Variants in SSBP2 observed in about 807,000 individuals in gnomAD.
SSBP2 encodes the protein single stranded DNA binding protein 2.
Under a neutral mutation model 61.8 loss-of-function variants are expected in SSBP2, and 17 were observed. That is an observed-to-expected ratio of 0.28 (90% CI 0.19 to 0.41). The LOEUF (loss-of-function observed/expected upper bound fraction) is 0.41. Among genes scored for constraint, SSBP2 ranks in the 10% least tolerant of loss-of-function variants. The pLI is 1.00. For synonymous variants in SSBP2, 139 were observed against 141.3 expected, an observed-to-expected ratio of 0.98 and a Z score of 0.12; for missense variants, 310 against 458.7, an observed-to-expected ratio of 0.68 and a Z score of 2.96.
chr5:81,656,849 T>C (rs1369273402), intron 1 of SSBP2, among the ~76,000 whole-genome samples: 2 of 152,148 alleles, frequency 1.3e-5, no homozygotes, highest in African/African-American at 4.8e-5. Flanking sequence ...TGTGAACGTG[T>C]AAATGGTGCA....
At chr5:81,676,477 T>A (rs1407246781) in intron 1 of SSBP2, among the ~76,000 whole-genome samples, 1 of 152,140 alleles carries the variant, frequency 6.6e-6, no homozygotes, top group African/African-American at 2.4e-5. Flanking sequence ...ACAATCTCAT[T>A]CCGTATCTCA....
chr5:81,688,352 G>A lies in SSBP2; in HGVS notation c.63-38013C>T, dbSNP rs559933872. Among the ~76,000 whole-genome samples, 8 of 152,266 alleles carry A rather than the reference G, an allele frequency of 5.3e-5. No individual in the cohort carries two copies. The South Asian group carries it at 6.2e-4, about 12-fold the overall frequency. On this transcript the variant is annotated intron_variant, in intron 1 of 16. Coordinates refer to ENST00000320672, the MANE Select transcript of SSBP2 (RefSeq NM_012446.5). ...CGCCCAGGACCAGGGGAAACTTGCC[G>A]CCCTGAAACAAAGAACATTAGCTTG...
chr5:81,692,169 AG>A (rs1753255854), intron 1 of SSBP2, among the ~76,000 whole-genome samples: 2 of 152,218 alleles, frequency 1.3e-5, no homozygotes, highest in Admixed American at 1.3e-4. Flanking sequence ...AGCTGCAGGA[AG>A]CAAAACCAAC....
At chr5:81,662,464 T>C (rs1009139371) in intron 1 of SSBP2, among the ~76,000 whole-genome samples, 1 of 151,724 alleles carries the variant, frequency 6.6e-6, no homozygotes, top group Non-Finnish European at 1.5e-5. Flanking sequence ...CAAAACTCCG[T>C]CTCAAAAACA....
intron 15 of SSBP2, 105 bp from the exon 16 acceptor site, chr5:81,428,788 C>T: frequency 1.4e-6 from 1 of 720,516 alleles, no homozygotes; most frequent in Non-Finnish European, 2.3e-6. Context: ...ACAAAGCATA[C>T]TTCTAATTTT....
At chr5:81,664,064 T>C (rs189834126) in intron 1 of SSBP2, among the ~76,000 whole-genome samples, 82 of 152,238 alleles carry the variant, frequency 5.4e-4, no homozygotes, top group African/African-American at 1.9e-3. Flanking sequence ...TACTATAATG[T>C]ACATTTTCTG....
At chr5:81,520,048 T>G (rs200364227) in intron 4 of SSBP2, among the ~76,000 whole-genome samples, 7 of 151,550 alleles carry the variant, frequency 4.6e-5, no homozygotes, top group African/African-American at 9.7e-5. Context: ...GCAGTGGTGC[T>G]GTCTTGGCTC....
At chr5:81,460,651 C>A (rs1764472420) in intron 10 of SSBP2, among the ~76,000 whole-genome samples, 1 of 152,094 alleles carries the variant, frequency 6.6e-6, no homozygotes, top group Admixed American at 6.6e-5. Context: ...ATTGATATAG[C>A]AAATAAAATC....
At chr5:81,675,412 T>A (rs1751886153) in intron 1 of SSBP2, among the ~76,000 whole-genome samples, 1 of 152,170 alleles carries the variant, frequency 6.6e-6, no homozygotes, top group African/African-American at 2.4e-5. Context: ...TACCAGTTTG[T>A]AAGACAGGTG....
intron 10 of SSBP2, among the ~76,000 whole-genome samples, chr5:81,449,191 T>C (rs937483884): frequency 2.0e-5 from 3 of 152,296 alleles, no homozygotes; most frequent in African/African-American, 7.2e-5. Context: ...TATTTACACA[T>C]ACAATTTCTA....
chr5:81,678,162 G>C (rs1752125694), intron 1 of SSBP2, among the ~76,000 whole-genome samples: 1 of 152,090 alleles, frequency 6.6e-6, no homozygotes, highest in Non-Finnish European at 1.5e-5. Flanking sequence ...AATGAAAAAA[G>C]TAGACAATAT....
intron 1 of SSBP2, among the ~76,000 whole-genome samples, chr5:81,711,006 T>C (rs572289005): frequency 3.3e-5 from 5 of 152,200 alleles, no homozygotes; most frequent in East Asian, 1.9e-4. Flanking sequence ...TGTGTCTAGA[T>C]TGGAATATAA....
intron 4 of SSBP2, among the ~76,000 whole-genome samples, chr5:81,598,110 A>G (rs1285713028): frequency 6.6e-6 from 1 of 152,054 alleles, no homozygotes; most frequent in Non-Finnish European, 1.5e-5. Flanking sequence ...ATAAAAGACG[A>G]TAAACCACAG....
At chr5:81,432,566 GAAACCCCTGTCTCTACTAAAAATACAA>G (rs1762360238) in intron 15 of SSBP2, among the ~76,000 whole-genome samples, 1 of 152,012 alleles carries the variant, frequency 6.6e-6, no homozygotes, top group Non-Finnish European at 1.5e-5. Flanking sequence ...CCAGCCTGGT[GAAACCCCTGTCTCTACTAAAAATACAA>G]AAATTAGCCG....
rs540086834 is a variant in SSBP2 at position 81,737,508 on chromosome 5, C to T, written c.62+13473G>A. ...AAAAACTGAGCCCTGTTTGGCCAGG[C>T]GCGGTGGCTCACACCTGTAATCCCA... On this transcript the variant is annotated intron_variant, in intron 1 of 16. Coordinates refer to ENST00000320672, the MANE Select transcript of SSBP2 (RefSeq NM_012446.5). Among the ~76,000 whole-genome samples, 10 of 152,006 alleles carry T rather than the reference C, an allele frequency of 6.6e-5. No homozygotes were observed. The South Asian group carries it at 1.7e-3, about 25-fold the overall frequency.
rs889655597 is a variant in SSBP2 at position 81,604,558 on chromosome 5, T to C, written c.282+10915A>G. ...GCAAGTTCCAATTTATCCTTCTGCATTGTAAAAATTTTTAGCTGATCCAAG... is the reference window on the plus strand; with the variant it reads ...GCAAGTTCCAATTTATCCTTCTGCACTGTAAAAATTTTTAGCTGATCCAAG... On this transcript the variant is annotated intron_variant, in intron 4 of 16. Transcript: ENST00000320672. Among the ~76,000 whole-genome samples the C allele has an allele frequency of 4.8e-4, 73 of 152,228 alleles. 1 individual carries two copies. The highest frequency in any genetic ancestry group is 1.7e-3 in the African/African-American group (71 of 41,570).
chr5:81,729,330 G>C (rs890977974), intron 1 of SSBP2, among the ~76,000 whole-genome samples: 1 of 152,040 alleles, frequency 6.6e-6, no homozygotes, highest in Non-Finnish European at 1.5e-5. Flanking sequence ...AAGAAATAAC[G>C]TGAAGATAGG....
At chr5:81,499,229 AC>A (rs1457255855) in intron 5 of SSBP2, among the ~76,000 whole-genome samples, 1 of 152,232 alleles carries the variant, frequency 6.6e-6, no homozygotes, top group East Asian at 1.9e-4. Flanking sequence ...AAAATAACTC[AC>A]ATAAAATAAC....
chr5:81,658,338 C>T lies in SSBP2; in HGVS notation c.63-7999G>A, dbSNP rs115039612. Reference sequence around the variant, plus strand: ...TTCCGTGTGGTTGGATTCAACCAACCTGGGATCAAAAATACAAGCATCCCC... The same window carrying T: ...TTCCGTGTGGTTGGATTCAACCAACTTGGGATCAAAAATACAAGCATCCCC... On this transcript the variant is annotated intron_variant, in intron 1 of 16. Coordinates refer to ENST00000320672, the MANE Select transcript of SSBP2 (RefSeq NM_012446.5). Among the ~76,000 whole-genome samples, 825 of 152,136 alleles carry T rather than the reference C, an allele frequency of 5.4e-3. 7 individuals are homozygous for T. The highest frequency in any genetic ancestry group is 0.018 in the African/African-American group (768 of 41,532).
Sources: allele counts gnomAD v4.1 joint callset (sites outside exome capture counted in the v4.1 genomes callset), GRCh38; gene constraint gnomAD v4.1.1; transcripts MANE v1.5; gene names NCBI Gene and HGNC (gene_info 2026-07-23, HGNC 2026-07-21).